The following ARHGAP39 variants were observed in gnomAD, a reference collection of about 807,000 sequenced individuals.
The protein encoded by ARHGAP39 is Rho GTPase activating protein 39, also known as rho GTPase-activating protein 39.
Under a neutral mutation model 106.9 loss-of-function variants are expected in ARHGAP39, and 44 were observed. The observed-to-expected ratio is 0.41, with a 90% CI of 0.32 to 0.53. The LOEUF is 0.53. Ranked by LOEUF, ARHGAP39 falls within the 20% of genes least tolerant of loss-of-function variation. ARHGAP39 has a pLI of 0.21. For missense variants in ARHGAP39, 1,496 were observed against 1,577.3 expected, an observed-to-expected ratio of 0.95 and a Z score of 0.87; for synonymous variants, 768 against 693.2, an observed-to-expected ratio of 1.11 and a Z score of -1.69.
rs1199495735 is a variant in ARHGAP39, at chr8:144,547,162, G to T, written c.1924C>A (p.Leu642Met). 6 of 1,610,376 alleles carry T rather than the reference G, an allele frequency of 3.7e-6. No homozygotes were observed. The highest frequency in any genetic ancestry group is 4.2e-6 in the Non-Finnish European group (5 of 1,178,780). The change falls in exon 5 of 12, where the codon CTG becomes ATG. Residue 642 changes from leucine (L) to methionine (M), a missense_variant. By Grantham distance (15) the Leu-to-Met change is conservative (BLOSUM62 2). Around this residue, in one of 4 missense-constraint regions of ARHGAP39, gnomAD observed 905 missense variants for 816.4 expected, o/e 1.11. Transcript: ENST00000377307. The surrounding 1 kb of genome is among the most constrained non-coding windows in gnomAD (Gnocchi z 5.2). ...LEKSVSVQTN[L>M]ASPEPYLHPS... is the part of the protein sequence containing the mutation. ...TGGAGGTAGGGCTCTGGTGAGGCCAGGTTGGTCTGCACGGAGACGCTCTTC... is the reference window on the plus strand; with the variant it reads ...TGGAGGTAGGGCTCTGGTGAGGCCATGTTGGTCTGCACGGAGACGCTCTTC...
In ARHGAP39 at chr8:144,547,864, G is replaced by A. The variant is rs1443295793; in HGVS notation, c.1222C>T (p.Pro408Ser). 6.3e-7 allele frequency: 1 copy of A among 1,586,382 alleles called. No homozygotes were observed. Among genetic ancestry groups the A allele is most frequent in the Non-Finnish European group, 8.6e-7 (1 of 1,166,984 alleles). The change falls in exon 5 of 12, where the codon CCC becomes TCC. Residue 408 changes from proline (P) to serine (S), a missense_variant. By Grantham distance (74) the Pro-to-Ser change is moderately conservative. Around this residue, in one of 4 missense-constraint regions of ARHGAP39, gnomAD observed 905 missense variants for 816.4 expected, o/e 1.11. Transcript: ENST00000377307. This position sits in a 1 kb window ranked among gnomAD's most constrained non-coding sequence, Gnocchi z 5.2. ...LVYVEQAGSS[P>S]KLRAGPRHKY... ...TGCCGCGGGCCGGCGCGCAGCTTGG[G>A]GCTGGAGCCCGCCTGCTCCACGTAG... is the stretch of plus-strand genomic sequence containing the variant.
chr8:144,627,571 A>AAAG (rs374198459), intron 1 of ARHGAP39, among the ~76,000 whole-genome samples: 7 of 146,266 alleles, frequency 4.8e-5, no homozygotes, highest in Non-Finnish European at 1.1e-4. Context: ...AAAAAAAAAA[A>AAAG]GAAAGGAAGG....
rs1207675368 is a variant in ARHGAP39 at position 144,685,795 on chromosome 8, G to A, written c.-191C>T. On this transcript the variant is annotated 5_prime_UTR_variant, in exon 1 of 12. Coordinates refer to ENST00000377307, the MANE Select transcript of ARHGAP39 (RefSeq NM_025251.3). ...TCTCTGCTGCTCCGCCGCTGCTGCC[G>A]CGGCAGCCCGTGCTGTCGGCGTCCT... is the stretch of plus-strand genomic sequence containing the variant. 6.8e-6 allele frequency among the ~76,000 whole-genome samples: 1 copy of A among 147,668 alleles called. No homozygotes were observed. The highest frequency in any genetic ancestry group is 1.5e-5 in the Non-Finnish European group (1 of 66,286).
rs35058065 is a variant in ARHGAP39 at position 144,656,807 on chromosome 8, C to CAAAAAAAAAA, written c.-82+28869_-82+28878dup. On this transcript the variant is annotated intron_variant, in intron 1 of 11. Transcript: ENST00000377307. ...TGGATGACAGAGCAAGACTCCATCT[C>CAAAAAAAAAA]AAAAAAAAAAAAAAAAAAAAAAAAA... Among the ~76,000 whole-genome samples the CAAAAAAAAAA allele has an allele frequency of 5.2e-4, 22 of 42,340 alleles. 2 individuals are homozygous for CAAAAAAAAAA. The highest frequency in any genetic ancestry group is 7.8e-4 in the Non-Finnish European group (19 of 24,232). The allele number at this position is 42,340 out of a possible 152,430, so 27.8% of individuals were successfully genotyped here.
At chr8:144,558,180 A>G (rs1162594731) in intron 3 of ARHGAP39, among the ~76,000 whole-genome samples, 1 of 152,250 alleles carries the variant, frequency 6.6e-6, no homozygotes, top group Non-Finnish European at 1.5e-5. Context: ...GAGACATATA[A>G]AAGAAGACTT....
chr8:144,537,928 T>C (rs1487443115), intron 6 of ARHGAP39, 115 bp from the exon 7 acceptor site: 3 of 882,600 alleles, frequency 3.4e-6, no homozygotes, highest in Non-Finnish European at 5.4e-6. Flanking sequence ...GGGCTCACCC[T>C]GTGCAGCTGG....
At chr8:144,674,320 G>C (rs1313478490) in intron 1 of ARHGAP39, among the ~76,000 whole-genome samples, 1 of 152,290 alleles carries the variant, frequency 6.6e-6, no homozygotes, top group East Asian at 1.9e-4. Context: ...ACCCACAGTG[G>C]GTAGCTCCTT....
chr8:144,686,879 A>C (rs368820519), upstream of ARHGAP39, among the ~76,000 whole-genome samples: 141 of 115,248 alleles, frequency 1.2e-3, 6 homozygotes, highest in African/African-American at 4.0e-3. Context: ...AACTTGTGAC[A>C]ACACACTGGC....
At chr8:144,552,546 C>A (rs1449587321) in intron 4 of ARHGAP39, among the ~76,000 whole-genome samples, 12 of 152,378 alleles carry the variant, frequency 7.9e-5, no homozygotes, top group Admixed American at 7.8e-4. Flanking sequence ...GGCCCTGTGA[C>A]TTCACATTCG....
chr8:144,668,456 C>T (rs1451178210), intron 1 of ARHGAP39, among the ~76,000 whole-genome samples: 2 of 151,752 alleles, frequency 1.3e-5, no homozygotes, highest in Non-Finnish European at 2.9e-5. Context: ...CAAAACATAA[C>T]AAAAAATAAA....
chr8:144,600,903 GGT>G (rs749250717), intron 2 of ARHGAP39, among the ~76,000 whole-genome samples: 46 of 150,018 alleles, frequency 3.1e-4, no homozygotes, highest in Admixed American at 4.0e-4. Flanking sequence ...GCGTGTGCGT[GGT>G]GTGTGCAAGC....
chr8:144,620,108 A>G (rs535729611), intron 1 of ARHGAP39, among the ~76,000 whole-genome samples: 3 of 131,152 alleles, frequency 2.3e-5, no homozygotes, highest in South Asian at 5.1e-4. Flanking sequence ...TGTGTCCCTG[A>G]GCATGTGTGC....
chr8:144,566,874 A>G (rs1355916379), intron 3 of ARHGAP39, among the ~76,000 whole-genome samples: 4 of 152,040 alleles, frequency 2.6e-5, no homozygotes, highest in African/African-American at 9.7e-5. Context: ...AAAAAAAAAA[A>G]AAGAAATAAA....
intron 1 of ARHGAP39, among the ~76,000 whole-genome samples, chr8:144,617,917 G>A (rs1479424825): frequency 6.6e-6 from 1 of 152,098 alleles, no homozygotes; most frequent in African/African-American, 2.4e-5. Flanking sequence ...GAGAAGCCGG[G>A]ACCACAGGTG....
chr8:144,687,974 CG>C (rs1822665893), upstream of ARHGAP39, among the ~76,000 whole-genome samples: 4 of 147,420 alleles, frequency 2.7e-5, no homozygotes, highest in South Asian at 4.3e-4. Context: ...TTCCCAACCC[CG>C]TGACCACATA....
rs80313553 is a variant in ARHGAP39, at chr8:144,557,318, G to A, written c.513-1675C>T. ...TTCAGCGGCAAAAGGCTGAACCTTCGTAGTATTCAGAGGCAAAGGCTGAAC... is the reference window on the plus strand; with the variant it reads ...TTCAGCGGCAAAAGGCTGAACCTTCATAGTATTCAGAGGCAAAGGCTGAAC... On this transcript the variant is annotated intron_variant, in intron 3 of 11. Coordinates refer to ENST00000377307, the MANE Select transcript of ARHGAP39 (RefSeq NM_025251.3). 1.7e-3 allele frequency among the ~76,000 whole-genome samples: 69 copies of A among 40,804 alleles called. 3 individuals carry two copies. Among genetic ancestry groups the A allele is most frequent in the Admixed American group, 0.012 (42 of 3,652 alleles). 26.8% of individuals were successfully genotyped at this position (40,804 alleles called of 152,430 possible).
intron 1 of ARHGAP39, among the ~76,000 whole-genome samples, chr8:144,639,338 A>AAAAAAG (rs1554610292): frequency 6.8e-6 from 1 of 146,260 alleles, no homozygotes; most frequent in African/African-American, 2.7e-5. Flanking sequence ...AAAAAAAAAA[A>AAAAAAG]AAAGAAAGAA....
At chr8:144,601,545 G>GGCGT in intron 2 of ARHGAP39, among the ~76,000 whole-genome samples, 1 of 133,554 alleles carries the variant, frequency 7.5e-6, no homozygotes, top group Non-Finnish European at 1.5e-5. Flanking sequence ...TGTGCATGGA[G>GGCGT]GCGTGCGTGC....
chr8:144,559,211 AC>A (rs1278865427), intron 3 of ARHGAP39, among the ~76,000 whole-genome samples: 1 of 151,930 alleles, frequency 6.6e-6, no homozygotes, highest in Non-Finnish European at 1.5e-5. Context: ...CTGTCTCAAA[AC>A]AAAAAACAAA....
Sources: gnomAD v4.1 joint callset for allele counts (sites outside exome capture counted in the v4.1 genomes callset) on GRCh38, gnomAD v4.1.1 for gene constraint, gnomAD v4.1.1 regional missense constraint, Gnocchi (gnomAD v3.1) non-coding constraint, MANE v1.5 for transcripts, NCBI Gene and HGNC (gene_info 2026-07-23, HGNC 2026-07-21) for gene names.